IKZF2: variants seen among roughly 807,000 people sequenced by gnomAD.
The protein encoded by IKZF2 is zinc finger protein Helios.
Under a neutral mutation model 49.2 loss-of-function variants are expected in IKZF2, and 15 were observed. That is an observed-to-expected ratio of 0.30 (90% CI 0.20 to 0.47). IKZF2 has a LOEUF of 0.47. Among genes scored for constraint, IKZF2 ranks in the 20% least tolerant of loss-of-function variants. IKZF2 has a pLI of 1.00. For synonymous variants in IKZF2, 227 were observed against 221.4 expected (o/e 1.03, Z -0.23); for missense variants, 567 against 664.6 (o/e 0.85, Z 1.61).
intron 4 of IKZF2, among the ~76,000 whole-genome samples, chr2:213,068,782 A>G (rs942079840): frequency 2.0e-5 from 3 of 152,154 alleles, no homozygotes; most frequent in Non-Finnish European, 4.4e-5. Flanking sequence ...CCTAGTTGGT[A>G]TGTGTGCAGG....
At chr2:213,016,694 G>T (rs1696641267) in intron 7 of IKZF2, among the ~76,000 whole-genome samples, 2 of 152,086 alleles carry the variant, frequency 1.3e-5, no homozygotes, top group African/African-American at 4.8e-5. Flanking sequence ...TATATTTGAG[G>T]TTATAACCAA....
chr2:213,142,572 A>C (rs569349053), intron 4 of IKZF2, among the ~76,000 whole-genome samples: 3 of 152,106 alleles, frequency 2.0e-5, no homozygotes, highest in African/African-American at 7.2e-5. Flanking sequence ...GAAATCTCAC[A>C]ACAGCCCATT....
intron 4 of IKZF2, among the ~76,000 whole-genome samples, chr2:213,095,414 G>A (rs1705858355): frequency 6.6e-6 from 1 of 151,896 alleles, no homozygotes; most frequent in African/African-American, 2.4e-5. Context: ...CCAATTAGAT[G>A]GGAATCACTG....
At chr2:213,050,833 A>G (rs1042925636) in intron 5 of IKZF2, among the ~76,000 whole-genome samples, 113 of 152,212 alleles carry the variant, frequency 7.4e-4, no homozygotes, top group African/African-American at 2.6e-3. Flanking sequence ...ATCAAACCAT[A>G]AAGAAAATGC....
Position 213,054,214 on chromosome 2 carries a change from A to AG in IKZF2, c.406+2618dup, listed in dbSNP as rs1253212579. On this transcript the variant is annotated intron_variant, in intron 5 of 8. Transcript: ENST00000434687. ...ATCCAAGATTGCACCACTACACTCC[A>AG]GCCTGGGCGACAGAGCAAGACTCCA... 2.6e-5 allele frequency among the ~76,000 whole-genome samples: 4 copies of AG among 152,116 alleles called. No homozygotes were observed. The East Asian group carries it at 7.7e-4, about 29-fold the overall frequency.
At position 213,006,566 on chromosome 2, in the gene IKZF2, T is replaced by A. The variant is rs572529831; in HGVS notation, c.*794A>T. 6.6e-6 allele frequency: 1 copy of A among 152,554 alleles called. No individual in the cohort carries two copies. Among genetic ancestry groups the A allele is most frequent in the Admixed American group, 6.6e-5 (1 of 15,260 alleles). 9.5% of individuals were successfully genotyped at this position (152,554 alleles called of 1,614,324 possible). A position where few individuals can be genotyped will look rare whatever the true frequency, so the allele number is the denominator to read the frequency against. The stretch of plus-strand genomic sequence containing the variant: ...GCCTTTTATCCACTCTTAGACCATA[T>A]GTTATTCTGAAAACTACATAAAAAT... On this transcript the variant is annotated 3_prime_UTR_variant, in exon 9 of 9. Transcript: ENST00000434687.
At chr2:213,113,406 C>G (rs1475380373) in intron 4 of IKZF2, among the ~76,000 whole-genome samples, 1 of 152,120 alleles carries the variant, frequency 6.6e-6, no homozygotes, top group Admixed American at 6.5e-5. Context: ...TTCCTTAACT[C>G]AGTTTTTTTG....
At chr2:213,104,912 T>C (rs1010620308) in intron 4 of IKZF2, among the ~76,000 whole-genome samples, 4 of 152,118 alleles carry the variant, frequency 2.6e-5, no homozygotes, top group Non-Finnish European at 1.5e-5. Context: ...CATTCACATA[T>C]ATGAACAGAT....
At chr2:213,108,257 TTC>T (rs2059596241) in intron 4 of IKZF2, among the ~76,000 whole-genome samples, 1 of 152,150 alleles carries the variant, frequency 6.6e-6, no homozygotes, top group South Asian at 2.1e-4. Context: ...AAAAAAGTTT[TTC>T]TGACAAAATT....
intron 4 of IKZF2, among the ~76,000 whole-genome samples, chr2:213,114,608 A>G (rs1462285256): frequency 6.6e-6 from 1 of 152,166 alleles, no homozygotes; most frequent in East Asian, 1.9e-4. Context: ...CTGATTTAAT[A>G]TGATTTTGAT....
intron 4 of IKZF2, among the ~76,000 whole-genome samples, chr2:213,147,155 T>A (rs1205467065): frequency 6.6e-6 from 1 of 152,176 alleles, no homozygotes; most frequent in African/African-American, 2.4e-5. Context: ...CCAAATTTTA[T>A]CAGTTCTTCT....
rs766048611 is a variant in IKZF2 at position 213,007,480 on chromosome 2, G to T, written c.1461C>A (p.Thr487=). The T allele has an allele frequency of 3.7e-6, 6 of 1,613,658 alleles. No individual in the cohort carries two copies. The Admixed American group carries it at 1.0e-4, about 27-fold the overall frequency. The change falls in exon 9 of 9, where the codon ACC becomes ACA. Residue 487 remains threonine, a synonymous_variant. Coordinates refer to ENST00000434687, the MANE Select transcript of IKZF2 (RefSeq NM_001387220.1). ...GGTAGCCATGGCAACCCATGTGAAT[G>T]GTGTACATGACATGGTCTAGGAAAA... ...RVLFLDHVMY[T]IHMGCHGYRD... is the part of the protein sequence containing the mutation.
chr2:213,078,026 C>A (rs77906746), intron 4 of IKZF2, among the ~76,000 whole-genome samples: 1 of 151,602 alleles, frequency 6.6e-6, no homozygotes, highest in African/African-American at 2.4e-5. Flanking sequence ...TATTCCTTTC[C>A]GTCTTAAGAG....
At chr2:213,074,019 G>T (rs1354171002) in intron 4 of IKZF2, among the ~76,000 whole-genome samples, 1 of 151,990 alleles carries the variant, frequency 6.6e-6, no homozygotes, top group East Asian at 1.9e-4. Flanking sequence ...TTATTTTGTT[G>T]CAAATATCCA....
At chr2:213,121,847 C>T (rs2060068439) in intron 4 of IKZF2, among the ~76,000 whole-genome samples, 1 of 152,168 alleles carries the variant, frequency 6.6e-6, no homozygotes, top group Non-Finnish European at 1.5e-5. Flanking sequence ...GAAATCTAAA[C>T]TGATTATTTC....
At chr2:213,030,973 G>A (rs1302888449) in intron 6 of IKZF2, among the ~76,000 whole-genome samples, 1 of 151,998 alleles carries the variant, frequency 6.6e-6, no homozygotes, top group Non-Finnish European at 1.5e-5. Context: ...CTACAGGCAC[G>A]TGCCACCACG....
intron 4 of IKZF2, among the ~76,000 whole-genome samples, chr2:213,071,815 G>C (rs1702736121): frequency 6.6e-6 from 1 of 151,984 alleles, no homozygotes; most frequent in South Asian, 2.1e-4. Context: ...TTCCTAGCCT[G>C]TTTCCACGAC....
At chr2:213,127,842 T>C (rs1303168623) in intron 4 of IKZF2, among the ~76,000 whole-genome samples, 1 of 152,206 alleles carries the variant, frequency 6.6e-6, no homozygotes. Context: ...TAAGAATACA[T>C]GTATTTCCAA....
At chr2:213,088,714 C>T (rs1181952530) in intron 4 of IKZF2, among the ~76,000 whole-genome samples, 5 of 152,028 alleles carry the variant, frequency 3.3e-5, no homozygotes, top group African/African-American at 1.2e-4. Flanking sequence ...GCCAAGATTG[C>T]GCCACTGCAC....
Sources: allele counts gnomAD v4.1 joint callset (sites outside exome capture counted in the v4.1 genomes callset), GRCh38; gene constraint gnomAD v4.1.1; transcripts MANE v1.5; gene names NCBI Gene and HGNC (gene_info 2026-07-23, HGNC 2026-07-21).